The following THSD4 variants were observed in gnomAD, a reference collection of about 807,000 sequenced individuals.
THSD4 encodes the protein thrombospondin type-1 domain-containing protein 4.
In THSD4, 69 loss-of-function variants were observed where a neutral mutation model predicts 119.0. The observed-to-expected ratio is 0.58, with a 90% CI of 0.48 to 0.71. THSD4 has a LOEUF of 0.71. Among genes scored for constraint, THSD4 ranks in the 30% least tolerant of loss-of-function variants. The pLI, the probability that THSD4 is intolerant of heterozygous loss-of-function variation, is 0.00. For synonymous variants in THSD4, 524 were observed against 540.4 expected (o/e 0.97, Z 0.42); for missense variants, 1,393 against 1,391.1 (o/e 1.00, Z -0.02).
chr15:71,681,247 T>G (rs2051769701), intron 8 of THSD4, among the ~76,000 whole-genome samples: 1 of 152,156 alleles, frequency 6.6e-6, no homozygotes, highest in African/African-American at 2.4e-5. Context: ...GCTACTGTTA[T>G]ACAAATTAGT....
At chr15:71,665,982 T>C (rs2051409842) in intron 8 of THSD4, among the ~76,000 whole-genome samples, 1 of 152,198 alleles carries the variant, frequency 6.6e-6, no homozygotes, top group African/African-American at 2.4e-5. Flanking sequence ...CCTTGGCCTT[T>C]GGGGCTCTTT....
chr15:71,232,613 A>G (rs965439170), intron 4 of THSD4, among the ~76,000 whole-genome samples: 2 of 152,088 alleles, frequency 1.3e-5, no homozygotes, highest in African/African-American at 4.8e-5. Context: ...TTGCCGCACA[A>G]GAGCCCCATG....
At chr15:71,538,596 G>A (rs1354161070) in intron 7 of THSD4, among the ~76,000 whole-genome samples, 2 of 152,308 alleles carry the variant, frequency 1.3e-5, no homozygotes, top group East Asian at 3.9e-4. Context: ...TGAAGCAGTG[G>A]TTCCCAAACC....
At chr15:71,121,056 C>T (rs1363801208) in intron 1 of THSD4, among the ~76,000 whole-genome samples, 1 of 152,192 alleles carries the variant, frequency 6.6e-6, no homozygotes, top group African/African-American at 2.4e-5. Flanking sequence ...TGGAAACCCT[C>T]CGACCATATC....
intron 6 of THSD4, among the ~76,000 whole-genome samples, chr15:71,271,194 A>G (rs1161510333): frequency 6.6e-6 from 1 of 152,196 alleles, no homozygotes; most frequent in East Asian, 1.9e-4. Context: ...ACCTTTTTTC[A>G]TATTAGCTTC....
At chr15:71,317,888 A>T (rs1312813332) in intron 6 of THSD4, among the ~76,000 whole-genome samples, 1 of 152,208 alleles carries the variant, frequency 6.6e-6, no homozygotes. Context: ...ATTAAATGAG[A>T]TACACTACCT....
At chr15:71,180,065 C>T (rs372579328) in intron 3 of THSD4, among the ~76,000 whole-genome samples, 2 of 126,252 alleles carry the variant, frequency 1.6e-5, no homozygotes, top group East Asian at 2.3e-4. Context: ...GTGGGTGCAG[C>T]GCACCAGCAT....
chr15:71,520,397 G>A (rs1384653363), intron 7 of THSD4, among the ~76,000 whole-genome samples: 1 of 152,180 alleles, frequency 6.6e-6, no homozygotes, highest in Non-Finnish European at 1.5e-5. Flanking sequence ...ATGGAGCCTA[G>A]GAGTGACTGC....
intron 7 of THSD4, among the ~76,000 whole-genome samples, chr15:71,636,337 C>G (rs938778449): frequency 6.6e-6 from 1 of 152,040 alleles, no homozygotes; most frequent in African/African-American, 2.4e-5. Flanking sequence ...GCATGAGAAT[C>G]GCTTGAACCT....
chr15:71,671,314 C>T (rs2051523343), intron 8 of THSD4, among the ~76,000 whole-genome samples: 2 of 152,286 alleles, frequency 1.3e-5, no homozygotes, highest in South Asian at 4.1e-4. Context: ...ATCCTTCGCC[C>T]ACTTTTTGAT....
intron 7 of THSD4, among the ~76,000 whole-genome samples, chr15:71,461,793 T>G (rs970175014): frequency 1.1e-4 from 11 of 101,732 alleles, no homozygotes; most frequent in African/African-American, 3.1e-4. Flanking sequence ...CACTGTCAGG[T>G]TTTTTTTTTT....
chr15:71,214,162 A>AGCTAGAGG (rs2043910230), intron 3 of THSD4, among the ~76,000 whole-genome samples: 1 of 150,260 alleles, frequency 6.7e-6, no homozygotes, highest in African/African-American at 2.4e-5. Context: ...CACTCTGTAA[A>AGCTAGAGG]ATGGACCGAT....
intron 3 of THSD4, among the ~76,000 whole-genome samples, chr15:71,191,752 A>G (rs1031391475): frequency 6.6e-6 from 1 of 151,716 alleles, no homozygotes; most frequent in Non-Finnish European, 1.5e-5. Context: ...TTACCCTTCC[A>G]CATATGAGTC....
At chr15:71,434,882 A>G (rs1175392233) in intron 7 of THSD4, among the ~76,000 whole-genome samples, 1 of 152,210 alleles carries the variant, frequency 6.6e-6, no homozygotes, top group East Asian at 1.9e-4. Context: ...AACTAAAAGC[A>G]TCTATCAGGT....
intron 10 of THSD4, among the ~76,000 whole-genome samples, chr15:71,736,225 C>CTCTCTCTTGCTCTCTCTCCA (rs1331664028): frequency 8.0e-5 from 12 of 150,202 alleles, no homozygotes; most frequent in Non-Finnish European, 1.8e-4. Context: ...CTGTCTCTGT[C>CTCTCTCTTGCTCTCTCTCCA]TCTCTCTTGC....
chr15:71,341,532 G>A (rs555799510), intron 6 of THSD4: 44 of 1,611,022 alleles, frequency 2.7e-5, no homozygotes, highest in Admixed American at 1.0e-4. Flanking sequence ...TTGTAATGTC[G>A]GAATGGTACA....
intron 6 of THSD4, among the ~76,000 whole-genome samples, chr15:71,279,138 G>C (rs936381991): frequency 6.6e-6 from 1 of 152,192 alleles, no homozygotes; most frequent in African/African-American, 2.4e-5. Flanking sequence ...CATCAGGAAA[G>C]GGAGAAAATG....
At chr15:71,752,164 G>A (rs1333356698) in intron 14 of THSD4, among the ~76,000 whole-genome samples, 1 of 152,098 alleles carries the variant, frequency 6.6e-6, no homozygotes, top group Non-Finnish European at 1.5e-5. Flanking sequence ...AATACGTACA[G>A]AGAAAAAACA....
At chr15:71,488,401 T>C (rs1234706926) in intron 7 of THSD4, among the ~76,000 whole-genome samples, 1 of 152,218 alleles carries the variant, frequency 6.6e-6, no homozygotes, top group African/African-American at 2.4e-5. Flanking sequence ...ATTTTTGAAA[T>C]CTTTGTTGCA....
Sources: allele counts gnomAD v4.1 joint callset (sites outside exome capture counted in the v4.1 genomes callset), GRCh38; gene constraint gnomAD v4.1.1; transcripts MANE v1.5; gene names NCBI Gene and HGNC (gene_info 2026-07-23, HGNC 2026-07-21).